The following KIAA0753 variants were observed in gnomAD, a reference collection of about 807,000 sequenced individuals.
The protein encoded by KIAA0753 is protein moonraker.
Under a neutral mutation model 116.9 loss-of-function variants are expected in KIAA0753, and 114 were observed. The observed-to-expected ratio is 0.98, with a 90% CI of 0.84 to 1.14. The LOEUF is 1.14. Among genes scored for constraint, KIAA0753 ranks in the 50% most tolerant of loss-of-function variants. The pLI is 0.00. For missense variants in KIAA0753, 1,156 were observed against 1,172.4 expected, an observed-to-expected ratio of 0.99 and a Z score of 0.20; for synonymous variants, 405 against 413.1, an observed-to-expected ratio of 0.98 and a Z score of 0.24.
chr17:6,585,896 A>T (rs577561514), intron 18 of KIAA0753, among the ~76,000 whole-genome samples: 2 of 152,320 alleles, frequency 1.3e-5, no homozygotes, highest in South Asian at 4.1e-4. Flanking sequence ...TCATTTTCAA[A>T]AATAAGAATG....
At chr17:6,594,914 G>T (rs565855519) in intron 16 of KIAA0753, 58 bp downstream of exon 16, 4 of 1,342,690 alleles carry the variant, frequency 3.0e-6, no homozygotes, top group Admixed American at 1.9e-5. Flanking sequence ...TCAATTTTCT[G>T]TATGTTTGAA....
chr17:6,597,356 G>T (rs1969553648), intron 14 of KIAA0753, among the ~76,000 whole-genome samples: 1 of 151,998 alleles, frequency 6.6e-6, no homozygotes, highest in Non-Finnish European at 1.5e-5. Context: ...AAAAAATCAA[G>T]AGACAACCAA....
intron 18 of KIAA0753, among the ~76,000 whole-genome samples, chr17:6,589,033 T>C (rs1367534138): frequency 1.3e-5 from 2 of 152,184 alleles, no homozygotes; most frequent in African/African-American, 4.8e-5. Context: ...TGGGACAACA[T>C]TAGCATTAAC....
intron 18 of KIAA0753, among the ~76,000 whole-genome samples, chr17:6,586,406 C>T (rs1968578457): frequency 6.6e-6 from 1 of 152,236 alleles, no homozygotes; most frequent in Admixed American, 6.5e-5. Flanking sequence ...AACCAATGTT[C>T]TTTACAGATA....
intron 3 of KIAA0753, among the ~76,000 whole-genome samples, 198 bp from the exon 4 acceptor site, chr17:6,625,059 G>C (rs1252322236): frequency 6.6e-6 from 1 of 152,166 alleles, no homozygotes; most frequent in Non-Finnish European, 1.5e-5. Context: ...TACTGACTGA[G>C]AGATGGAAGG....
chr17:6,632,076 G>T (rs1972051546), intron 2 of KIAA0753, among the ~76,000 whole-genome samples: 1 of 151,906 alleles, frequency 6.6e-6, no homozygotes, highest in Admixed American at 6.6e-5. Flanking sequence ...AGCAGAGATG[G>T]GGTTTTAGCA....
intron 16 of KIAA0753, among the ~76,000 whole-genome samples, chr17:6,591,032 AG>A (rs1418389229): frequency 1.1e-5 from 1 of 93,348 alleles, no homozygotes; most frequent in Non-Finnish European, 2.0e-5. Context: ...AGAAGGAAGA[AG>A]GAAGAAGGAA....
rs1324584422 is a variant in KIAA0753, at chr17:6,596,241, C to A, written c.2275G>T (p.Gly759Trp). Residue 759 changes from glycine (G) to tryptophan (W), a missense_variant, in exon 15 of 19, where the codon GGG (glycine) becomes TGG (tryptophan). Transcript: ENST00000361413. ...TCAACGGTGGCTAAGGTTTCAGACC[C>A]CAAGATCTTAGCATGAGTCACAGCC... Reference protein sequence around the residue: ...LWAVTHAKILGSETLATVEDS... With the variant: ...LWAVTHAKILWSETLATVEDS... 6.2e-7 allele frequency: 1 copy of A among 1,613,736 alleles called. No individual in the cohort carries two copies. Among genetic ancestry groups the A allele is most frequent in the Admixed American group, 1.7e-5 (1 of 60,006 alleles).
Position 6,610,031 on chromosome 17 carries a change from G to A in KIAA0753, c.1675C>T (p.Pro559Ser), listed in dbSNP as rs577766384. The change falls in exon 9 of 19, where the codon CCC becomes TCC. Residue 559 changes from proline (P) to serine (S), a missense_variant. Coordinates refer to ENST00000361413, the MANE Select transcript of KIAA0753 (RefSeq NM_014804.3). ...PVKDRKAPWI[P>S]PNPTSPPASP... ...GCTGGTGGGGATGTGGGGTTTGGGG[G>A]TATCCATGGTGCCTTGCGGTCTTTC... The A allele has an allele frequency of 1.6e-5, 26 of 1,614,118 alleles. No individual in the cohort carries two copies. The African/African-American group carries it at 2.9e-4, about 18-fold the overall frequency.
In KIAA0753 at chr17:6,599,275, A is replaced by C; in HGVS notation, c.2134T>G (p.Ser712Ala). The C allele has an allele frequency of 6.2e-7, 1 of 1,613,964 alleles. No individual in the cohort carries two copies. Among genetic ancestry groups the C allele is most frequent in the Non-Finnish European group, 8.5e-7 (1 of 1,179,862 alleles). Residue 712 changes from serine to alanine, a missense_variant, in exon 14 of 19, where the codon TCG becomes GCG. Ser to Ala is a moderately conservative substitution (Grantham distance 99). Coordinates refer to ENST00000361413, the MANE Select transcript of KIAA0753 (RefSeq NM_014804.3). ...TGGGCTTTCGCTGTGTTTACTGACG[A>C]GCCATCTTTCAAATGAATATTTGCT... ...TEANIHLKDG[S>A]SVNTAKAQPA... is the part of the protein sequence containing the mutation.
intron 14 of KIAA0753, among the ~76,000 whole-genome samples, chr17:6,597,832 C>T (rs539361523): frequency 6.6e-6 from 1 of 152,292 alleles, no homozygotes; most frequent in East Asian, 1.9e-4. Flanking sequence ...TTCAAGGTCT[C>T]CCAGGTCTTT....
At chr17:6,609,150 C>A (rs7221587) in intron 9 of KIAA0753, among the ~76,000 whole-genome samples, 2 of 152,020 alleles carry the variant, frequency 1.3e-5, no homozygotes, top group East Asian at 3.9e-4. Flanking sequence ...CACACTCATT[C>A]GGAATCTTAG....
At chr17:6,628,062 A>T in intron 3 of KIAA0753, 55 bp downstream of exon 3, 1 of 1,525,374 alleles carries the variant, frequency 6.6e-7, no homozygotes, top group Non-Finnish European at 8.9e-7. Flanking sequence ...GAATGCATTT[A>T]AACTACCCCA....
At chr17:6,596,135 A>G in intron 15 of KIAA0753, 23 bp downstream of exon 15, 1 of 1,607,112 alleles carries the variant, frequency 6.2e-7, no homozygotes, top group Non-Finnish European at 8.5e-7. Flanking sequence ...GCAGCGAACC[A>G]GACCCGGAGC....
At chr17:6,594,014 T>A (rs1228926644) in intron 16 of KIAA0753, among the ~76,000 whole-genome samples, 1 of 152,248 alleles carries the variant, frequency 6.6e-6, no homozygotes, top group African/African-American at 2.4e-5. Context: ...AAGGCCGCTT[T>A]GATAAAGATT....
intron 14 of KIAA0753, among the ~76,000 whole-genome samples, chr17:6,596,941 G>C (rs1456965464): frequency 1.3e-5 from 2 of 152,192 alleles, no homozygotes; most frequent in Non-Finnish European, 1.5e-5. Context: ...CCCTGAAAGA[G>C]GCTTTTGCAA....
chr17:6,582,713 AT>A (rs2150721941), intron 18 of KIAA0753, among the ~76,000 whole-genome samples: 1 of 152,260 alleles, frequency 6.6e-6, no homozygotes, highest in South Asian at 2.1e-4. Context: ...TTTAAACTAC[AT>A]TTGCTCTTCT....
At chr17:6,627,200 G>A (rs1334823610) in intron 3 of KIAA0753, among the ~76,000 whole-genome samples, 1 of 152,010 alleles carries the variant, frequency 6.6e-6, no homozygotes, top group Non-Finnish European at 1.5e-5. Context: ...CTGGCTCCTA[G>A]GAAGCTCAGA....
chr17:6,624,745 CT>C lies in KIAA0753; in HGVS notation c.825+9del. 6.5e-7 allele frequency: 1 copy of C among 1,549,770 alleles called. No individual in the cohort carries two copies. The highest frequency in any genetic ancestry group is 8.7e-7 in the Non-Finnish European group (1 of 1,143,826). On this transcript the variant is annotated intron_variant, in intron 4 of 18. Coordinates refer to ENST00000361413, the MANE Select transcript of KIAA0753 (RefSeq NM_014804.3). ...GCTGACTGCCCTACTTCTCCCTGAA[CT>C]TTTCACACCTGCTGCTGGAGGACGT...
Sources: allele counts gnomAD v4.1 joint callset (sites outside exome capture counted in the v4.1 genomes callset), GRCh38; gene constraint gnomAD v4.1.1; transcripts MANE v1.5; gene names NCBI Gene and HGNC (gene_info 2026-07-23, HGNC 2026-07-21).